DLG2: variants seen among roughly 807,000 people sequenced by gnomAD.
The protein encoded by DLG2 is disks large homolog 2.
A neutral mutation model predicts 132.5 loss-of-function variants in DLG2; 45 were observed. That is an observed-to-expected ratio of 0.34 (90% CI 0.27 to 0.44). The LOEUF is 0.44. Ranked by LOEUF, DLG2 falls within the 20% of genes least tolerant of loss-of-function variation. The pLI is 1.00. For synonymous variants in DLG2, 424 were observed against 419.6 expected (o/e 1.01, Z -0.13); for missense variants, 1,045 against 1,196.9 (o/e 0.87, Z 1.87).
intron 6 of DLG2, among the ~76,000 whole-genome samples, chr11:84,724,885 A>T (rs1429071820): frequency 4.6e-5 from 7 of 152,162 alleles, no homozygotes; most frequent in Admixed American, 4.6e-4. Flanking sequence ...TGTCAGATAG[A>T]AGAGTAGCCA....
At chr11:85,097,920 T>C (rs183398910) in intron 6 of DLG2, among the ~76,000 whole-genome samples, 100 of 152,250 alleles carry the variant, frequency 6.6e-4, no homozygotes, top group Admixed American at 3.8e-3. Flanking sequence ...AGGGGTAGAG[T>C]AGAATTAGTT....
intron 8 of DLG2, among the ~76,000 whole-genome samples, chr11:84,222,776 A>G (rs1465394218): frequency 1.3e-5 from 2 of 152,240 alleles, no homozygotes; most frequent in Non-Finnish European, 2.9e-5. Flanking sequence ...ATGGATGCAG[A>G]AAGATAGGTT....
At chr11:84,872,963 C>T (rs1227848464) in intron 6 of DLG2, among the ~76,000 whole-genome samples, 1 of 152,160 alleles carries the variant, frequency 6.6e-6, no homozygotes, top group Non-Finnish European at 1.5e-5. Context: ...GACTCAAATC[C>T]TACCTGATTA....
chr11:84,971,892 C>G (rs886515885), intron 6 of DLG2, among the ~76,000 whole-genome samples: 1 of 152,022 alleles, frequency 6.6e-6, no homozygotes, highest in Non-Finnish European at 1.5e-5. Context: ...GAGGGAATGT[C>G]TACTAGAGAG....
At chr11:83,710,316 C>G (rs2085109805) in intron 18 of DLG2, among the ~76,000 whole-genome samples, 2 of 152,092 alleles carry the variant, frequency 1.3e-5, no homozygotes, top group Non-Finnish European at 2.9e-5. Flanking sequence ...GTACCCGCCA[C>G]CATGCCTGAT....
intron 6 of DLG2, among the ~76,000 whole-genome samples, chr11:84,886,350 C>G (rs1286523643): frequency 6.6e-6 from 1 of 152,066 alleles, no homozygotes; most frequent in Non-Finnish European, 1.5e-5. Context: ...ACAACAAGAT[C>G]ATTTTCTTTA....
intron 7 of DLG2, among the ~76,000 whole-genome samples, chr11:84,297,903 ACCCAAGAATTGTCATAAGGTTG>A (rs964563633): frequency 2.6e-4 from 39 of 152,098 alleles, no homozygotes; most frequent in African/African-American, 8.7e-4. Flanking sequence ...CTGTAACACC[ACCCAAGAATTGTCATAAGGTTG>A]CCCCCTTTTC....
intron 9 of DLG2, among the ~76,000 whole-genome samples, chr11:84,143,408 C>T (rs1271341302): frequency 6.6e-6 from 1 of 152,016 alleles, no homozygotes; most frequent in Non-Finnish European, 1.5e-5. Context: ...GAGTTAAATC[C>T]AAGGTGACAT....
chr11:84,678,582 A>C (rs537710781), intron 6 of DLG2, among the ~76,000 whole-genome samples: 1 of 152,148 alleles, frequency 6.6e-6, no homozygotes, highest in South Asian at 2.1e-4. Context: ...ACAATCTCAC[A>C]TAACTATATG....
At chr11:84,720,823 G>A (rs1427326312) in intron 6 of DLG2, 5 of 152,320 alleles carry the variant, frequency 3.3e-5, no homozygotes, top group African/African-American at 1.2e-4. Flanking sequence ...GAAGGGGGCT[G>A]AAATTATTCC....
intron 25 of DLG2, among the ~76,000 whole-genome samples, chr11:83,468,847 GA>G (rs1021920148): frequency 6.6e-6 from 1 of 151,634 alleles, no homozygotes; most frequent in African/African-American, 2.4e-5. Context: ...CAGAGAGAGA[GA>G]AAAAAAATAA....
chr11:83,658,917 C>T (rs1773988646), intron 18 of DLG2, among the ~76,000 whole-genome samples: 1 of 152,190 alleles, frequency 6.6e-6, no homozygotes, highest in Admixed American at 6.5e-5. Flanking sequence ...GTAGCATCAC[C>T]CAGTTTACAG....
At chr11:83,471,759 G>A (rs2092053277) in intron 23 of DLG2, 32 bp from the exon 24 acceptor site, 3 of 1,584,828 alleles carry the variant, frequency 1.9e-6, no homozygotes, top group African/African-American at 1.3e-5. Context: ...TGTAGGTAAA[G>A]AGAAAGAGTT....
intron 4 of DLG2, among the ~76,000 whole-genome samples, chr11:85,156,354 GAATA>G (rs2077586822): frequency 6.6e-6 from 1 of 152,034 alleles, no homozygotes; most frequent in African/African-American, 2.4e-5. Flanking sequence ...TCAGTCTCTA[GAATA>G]AATACATATT....
intron 3 of DLG2, among the ~76,000 whole-genome samples, chr11:85,485,295 A>G (rs1490281619): frequency 3.9e-5 from 6 of 152,332 alleles, no homozygotes; most frequent in Non-Finnish European, 7.3e-5. Context: ...TGGCACATGT[A>G]TACATATGTA....
At chr11:84,149,715 A>G (rs1226237158) in intron 9 of DLG2, among the ~76,000 whole-genome samples, 3 of 152,054 alleles carry the variant, frequency 2.0e-5, no homozygotes, top group African/African-American at 7.2e-5. Flanking sequence ...TTGGTTACAT[A>G]AGAATTTTAT....
chr11:83,785,615 A>C (rs1333337290), intron 18 of DLG2, among the ~76,000 whole-genome samples: 1 of 152,286 alleles, frequency 6.6e-6, no homozygotes, highest in African/African-American at 2.4e-5. Context: ...AACTGAAAGT[A>C]ACATGTCAAA....
chr11:84,762,232 G>A (rs1336772440), intron 6 of DLG2: 2 of 152,122 alleles, frequency 1.3e-5, no homozygotes, highest in Non-Finnish European at 2.9e-5. Context: ...CTTGCCAACT[G>A]TCCAAAAGAA....
At chr11:85,425,883 C>T (rs1204584374) in intron 3 of DLG2, among the ~76,000 whole-genome samples, 3 of 152,210 alleles carry the variant, frequency 2.0e-5, no homozygotes, top group Non-Finnish European at 2.9e-5. Flanking sequence ...AATTCCCTTT[C>T]CTAGTCAAAG....
Sources: gnomAD v4.1 joint callset for allele counts (sites outside exome capture counted in the v4.1 genomes callset) on GRCh38, gnomAD v4.1.1 for gene constraint, MANE v1.5 for transcripts, NCBI Gene and HGNC (gene_info 2026-07-23, HGNC 2026-07-21) for gene names.